PTAR1: variants seen among roughly 807,000 people sequenced by gnomAD.
The protein encoded by PTAR1 is protein prenyltransferase alpha subunit repeat containing 1, also known as protein prenyltransferase alpha subunit repeat-containing protein 1.
PTAR1 carries 17 observed loss-of-function variants against 45.5 expected under a neutral mutation model. The observed-to-expected ratio is 0.37, with a 90% CI of 0.26 to 0.56. PTAR1 has a LOEUF of 0.56. PTAR1 is among the 20% of genes least tolerant of loss of function. The pLI, the probability that PTAR1 is intolerant of heterozygous loss-of-function variation, is 0.77. For missense variants in PTAR1, 391 were observed against 476.3 expected (o/e 0.82, Z 1.67); for synonymous variants, 169 against 171.3 (o/e 0.99, Z 0.11).
chr9:69,718,817 G>A (rs982855493), intron 6 of PTAR1, 133 bp from the exon 7 acceptor site: 1 of 602,862 alleles, frequency 1.7e-6, no homozygotes, highest in Non-Finnish European at 2.8e-6. Flanking sequence ...AAGTTATACA[G>A]AGGAAGGAGG....
chr9:69,747,855 T>C (rs187903981), intron 2 of PTAR1, among the ~76,000 whole-genome samples: 37 of 152,298 alleles, frequency 2.4e-4, no homozygotes, highest in African/African-American at 6.5e-4. Flanking sequence ...CCTCTGATGC[T>C]GAATATAAAC....
At chr9:69,747,150 A>C (rs1826309434) in intron 2 of PTAR1, among the ~76,000 whole-genome samples, 1 of 152,242 alleles carries the variant, frequency 6.6e-6, no homozygotes, top group African/African-American at 2.4e-5. Flanking sequence ...TGAGTAAATA[A>C]AAATGATCCA....
chr9:69,737,212 T>TG (rs1382415417), intron 3 of PTAR1, among the ~76,000 whole-genome samples: 1 of 152,078 alleles, frequency 6.6e-6, no homozygotes, highest in African/African-American at 2.4e-5. Context: ...CCCAAGCAGC[T>TG]GGGACCACAG....
rs1824668649 is a variant in PTAR1 at position 69,714,913 on chromosome 9, C to G, written c.*3429G>C. On this transcript the variant is annotated 3_prime_UTR_variant, in exon 8 of 8. Transcript: ENST00000340434. The stretch of plus-strand genomic sequence containing the variant: ...ATTTAAGAAATATCTGAAAGAGTCA[C>G]AGTTCAAGTTGCGGGGAAAAAAGGA... 6.6e-6 allele frequency: 1 copy of G among 151,976 alleles called. No individual in the cohort carries two copies. The highest frequency in any genetic ancestry group is 2.1e-4 in the South Asian group (1 of 4,830). The allele number at this position is 151,976 out of a possible 1,614,324, so 9.4% of individuals were successfully genotyped here.
intron 6 of PTAR1, among the ~76,000 whole-genome samples, chr9:69,722,020 CATGAA>C (rs1356481271): frequency 1.3e-5 from 2 of 152,086 alleles, no homozygotes; most frequent in Non-Finnish European, 2.9e-5. Flanking sequence ...CTCTTGAAAA[CATGAA>C]ATAAGTGTCT....
At chr9:69,726,694 A>G (rs1282763762) in intron 5 of PTAR1, among the ~76,000 whole-genome samples, 2 of 151,910 alleles carry the variant, frequency 1.3e-5, no homozygotes, top group Non-Finnish European at 2.9e-5. Flanking sequence ...CATTAAGCCT[A>G]AATATCTTTT....
At position 69,733,004 on chromosome 9, in the gene PTAR1, C is replaced by T. The variant is rs529229706; in HGVS notation, c.429-652G>A. On this transcript the variant is annotated intron_variant, in intron 4 of 7. Coordinates refer to ENST00000340434, the MANE Select transcript of PTAR1 (RefSeq NM_001099666.2). ...TGTTTCGAGCTACTTAATGTGTTTA[C>T]TTTGTACCAGTAATTTACTTATATA... 7.2e-5 allele frequency among the ~76,000 whole-genome samples: 11 copies of T among 152,244 alleles called. No homozygotes were observed. The South Asian group carries it at 2.3e-3, about 32-fold the overall frequency.
Position 69,711,146 on chromosome 9 carries a change from T to G in PTAR1, c.*7196A>C, listed in dbSNP as rs1230037639. The G allele has an allele frequency of 6.6e-6, 1 of 152,184 alleles. No individual in the cohort carries two copies. The highest frequency in any genetic ancestry group is 2.4e-5 in the African/African-American group (1 of 41,456). The allele number at this position is 152,184 out of a possible 1,614,324, so 9.4% of individuals were successfully genotyped here. On this transcript the variant is annotated 3_prime_UTR_variant, in exon 8 of 8. Coordinates refer to ENST00000340434, the MANE Select transcript of PTAR1 (RefSeq NM_001099666.2). ...TACTTATAATACCTCATCTTTTATT[T>G]TTTCCAACTCAAAAACAGTAAGTTA...
Position 69,716,662 on chromosome 9 carries a change from C to T in PTAR1, c.*1680G>A, listed in dbSNP as rs1432832731. Reference sequence around the variant, plus strand: ...TATCCCCACTTTACAAATTACCTAGCAAGTAAAAAGAACAACAGGCAAAGC... The same window carrying T: ...TATCCCCACTTTACAAATTACCTAGTAAGTAAAAAGAACAACAGGCAAAGC... On this transcript the variant is annotated 3_prime_UTR_variant, in exon 8 of 8. Coordinates refer to ENST00000340434, the MANE Select transcript of PTAR1 (RefSeq NM_001099666.2). 1 of 152,248 alleles carries T rather than the reference C, an allele frequency of 6.6e-6. No individual in the cohort carries two copies. Among genetic ancestry groups the T allele is most frequent in the East Asian group, 1.9e-4 (1 of 5,182 alleles). 9.4% of individuals were successfully genotyped at this position (152,248 alleles called of 1,614,324 possible). A position where few individuals can be genotyped will look rare whatever the true frequency, so the allele number is the denominator to read the frequency against.
intron 5 of PTAR1, among the ~76,000 whole-genome samples, chr9:69,728,069 ACTG>A (rs1293296439): frequency 6.6e-6 from 1 of 152,126 alleles, no homozygotes; most frequent in Non-Finnish European, 1.5e-5. Flanking sequence ...CTTGAATCTG[ACTG>A]CTTTCAATCA....
At chr9:69,735,138 T>C (rs1471622587) in intron 3 of PTAR1, among the ~76,000 whole-genome samples, 2 of 152,160 alleles carry the variant, frequency 1.3e-5, no homozygotes, top group East Asian at 3.9e-4. Flanking sequence ...AAAATATTAA[T>C]ATAAGCAGCA....
intron 3 of PTAR1, among the ~76,000 whole-genome samples, chr9:69,735,131 A>G (rs182915891): frequency 9.2e-4 from 140 of 152,312 alleles, no homozygotes; most frequent in African/African-American, 3.2e-3. Flanking sequence ...CCTTTTTAAA[A>G]TATTAATATA....
chr9:69,722,175 GAGAA>G (rs748833552), intron 6 of PTAR1, among the ~76,000 whole-genome samples: 1 of 152,144 alleles, frequency 6.6e-6, no homozygotes, highest in Admixed American at 6.5e-5. Context: ...GACTAGACTG[GAGAA>G]AGAAAGAAAA....
chr9:69,752,597 T>G (rs1826581269), intron 1 of PTAR1, among the ~76,000 whole-genome samples: 2 of 152,062 alleles, frequency 1.3e-5, no homozygotes, highest in African/African-American at 4.8e-5. Context: ...TTAACTACAA[T>G]GTACTGGGTG....
chr9:69,719,870 A>G (rs78834292), intron 6 of PTAR1, among the ~76,000 whole-genome samples: 2,741 of 152,230 alleles, frequency 0.018, 75 homozygotes, highest in African/African-American at 0.063. Context: ...TGTTACTACT[A>G]TAACTATTTT....
chr9:69,759,811 G>A, intron 1 of PTAR1, 42 bp downstream of exon 1: 1 of 1,476,010 alleles, frequency 6.8e-7, no homozygotes, highest in South Asian at 1.3e-5. Flanking sequence ...GCCCCCGCCC[G>A]CTCCCGACGA....
chr9:69,738,189 T>C (rs1442023280), intron 3 of PTAR1, among the ~76,000 whole-genome samples: 2 of 152,192 alleles, frequency 1.3e-5, no homozygotes, highest in African/African-American at 4.8e-5. Context: ...GTTTTTCTCA[T>C]CATTAAACTG....
chr9:69,740,200 G>GGT (rs1037585601), intron 3 of PTAR1, among the ~76,000 whole-genome samples: 3 of 151,928 alleles, frequency 2.0e-5, no homozygotes, highest in African/African-American at 4.8e-5. Flanking sequence ...TATGTATATA[G>GGT]GTGTGTGTGT....
At chr9:69,756,598 G>C (rs371109483) in intron 1 of PTAR1, among the ~76,000 whole-genome samples, 9 of 152,032 alleles carry the variant, frequency 5.9e-5, no homozygotes, top group African/African-American at 1.9e-4. Context: ...GCCACACTTT[G>C]CTTGTTTAGG....
Sources: gnomAD v4.1 joint callset for allele counts (sites outside exome capture counted in the v4.1 genomes callset) on GRCh38, gnomAD v4.1.1 for gene constraint, MANE v1.5 for transcripts, NCBI Gene and HGNC (gene_info 2026-07-23, HGNC 2026-07-21) for gene names.